MFRP: variants seen among roughly 807,000 people sequenced by gnomAD.
MFRP encodes the protein membrane frizzled-related protein.
MFRP carries 74 observed loss-of-function variants against 65.8 expected under a neutral mutation model. The observed-to-expected ratio is 1.12, with a 90% CI of 0.93 to 1.36. MFRP has a LOEUF of 1.36. Among genes scored for constraint, MFRP ranks in the 40% most tolerant of loss-of-function variants. MFRP has a pLI of 0.00. For synonymous variants in MFRP, 336 were observed against 288.3 expected (o/e 1.17, Z -1.68); for missense variants, 838 against 736.0 (o/e 1.14, Z -1.60).
rs1950509094 is a variant in MFRP at position 119,342,132 on chromosome 11, T to C, written c.1388-148A>G. On this transcript the variant is annotated intron_variant, in intron 11 of 14. Coordinates refer to ENST00000619721, the MANE Select transcript of MFRP (RefSeq NM_031433.4). The stretch of plus-strand genomic sequence containing the variant: ...AAGAGGATAACAAAGAGACAGGCTG[T>C]ACACACTCTGAGGATCCCTGCCATC... 19 of 960,932 alleles carry C rather than the reference T, an allele frequency of 2.0e-5. No individual in the cohort carries two copies. In the South Asian group the frequency reaches 2.5e-4, roughly 13 times the overall value. 59.5% of individuals were successfully genotyped at this position (960,932 alleles called of 1,614,324 possible).
In MFRP at chr11:119,341,865, C is replaced by G; in HGVS notation, c.1507G>C (p.Gly503Arg). 3 of 1,614,004 alleles carry G rather than the reference C, an allele frequency of 1.9e-6. No homozygotes were observed. Among genetic ancestry groups the G allele is most frequent in the Non-Finnish European group, 2.5e-6 (3 of 1,180,012 alleles). ...CCCTCCACCCAGAAGACCTTGTAACCGCTGAGGACCTCTACCACCTCCTCC... is the reference window on the plus strand; with the variant it reads ...CCCTCCACCCAGAAGACCTTGTAACGGCTGAGGACCTCTACCACCTCCTCC... ...TQEEVVEVLS[G>R]YKSLTSLPCY... The change falls in exon 12 of 15, where the codon GGT becomes CGT. Residue 503 changes from glycine to arginine, a missense_variant. By Grantham distance (125) the Gly-to-Arg change is moderately radical. Coordinates refer to ENST00000619721, the MANE Select transcript of MFRP (RefSeq NM_031433.4).
Position 119,342,895 on chromosome 11 carries a change from G to GT in MFRP, c.1232dup (p.Tyr411Ter). The change falls in exon 10 of 15, where the codon TAC becomes TAAC. Residue 411 changes from tyrosine to a stop codon, truncating the protein, a stop_gained and frameshift_variant. Transcript: ENST00000619721. LOFTEE classifies it high-confidence loss of function. ...GISSGGFSATYLAFNATENPC... is the reference protein window; with the variant it reads ...GISSGGFSAT Reference sequence around the variant, plus strand: ...TACTCTCCGTGGCATTGAAGGCCAGGTAGGTGGCTGAGAAGCCTCCACTGC... The same window carrying GT: ...TACTCTCCGTGGCATTGAAGGCCAGGTTAGGTGGCTGAGAAGCCTCCACTGC... 6.2e-7 allele frequency: 1 copy of GT among 1,613,050 alleles called. No individual in the cohort carries two copies.
In MFRP at chr11:119,343,969, G is replaced by T; in HGVS notation, c.976-5C>A. On this transcript the variant is annotated splice_polypyrimidine_tract_variant and splice_region_variant and intron_variant, in intron 8 of 14. Coordinates refer to ENST00000619721, the MANE Select transcript of MFRP (RefSeq NM_031433.4). The stretch of plus-strand genomic sequence containing the variant: ...CGAGATATGCCAGGTGCAGAGCTGG[G>T]GGAGGGCATAGGTGGAGCAATTCAT... The T allele has an allele frequency of 6.2e-7, 1 of 1,612,138 alleles. No homozygotes were observed. The highest frequency in any genetic ancestry group is 8.5e-7 in the Non-Finnish European group (1 of 1,179,942).
chr11:119,343,043 C>A (rs1181268691), intron 9 of MFRP, 40 bp from the exon 10 acceptor site: 1 of 1,567,364 alleles, frequency 6.4e-7, no homozygotes, highest in Non-Finnish European at 8.6e-7. Flanking sequence ...CCAGCCCTGG[C>A]TGACTGAGGG....
chr11:119,344,939 A>C lies in MFRP; in HGVS notation c.707T>G (p.Val236Gly). The change falls in exon 6 of 15, where the codon GTC (valine) becomes GGC (glycine). Residue 236 changes from valine (V) to glycine (G), a missense_variant. Physicochemically the swap from Val to Gly is moderately radical, Grantham distance 109. Coordinates refer to ENST00000619721, the MANE Select transcript of MFRP (RefSeq NM_031433.4). Reference protein sequence around the residue: ...TNASHLLVVFVSDSSVEGFGF... With the variant: ...TNASHLLVVFGSDSSVEGFGF... ...AAATCCTTCCACACTGCTGTCAGAGACGAAGACCACCAGGAGGTGGCTGGC... is the reference window on the plus strand; with the variant it reads ...AAATCCTTCCACACTGCTGTCAGAGCCGAAGACCACCAGGAGGTGGCTGGC... 1 of 1,610,958 alleles carries C rather than the reference A, an allele frequency of 6.2e-7. No individual in the cohort carries two copies. Among genetic ancestry groups the C allele is most frequent in the South Asian group, 1.1e-5 (1 of 90,514 alleles).
At position 119,340,055 on chromosome 11, in the gene MFRP, GC is replaced by G; in HGVS notation, c.*1110+128del. Reference sequence around the variant, plus strand: ...CTCCCGCCGCCTGGGCCCCTCCCCCGCTCAGGGCTGCAAAGCGCGGGGAGTG... The same window carrying G: ...CTCCCGCCGCCTGGGCCCCTCCCCCGTCAGGGCTGCAAAGCGCGGGGAGTG... On this transcript the variant is annotated intron_variant, in intron 14 of 14. Transcript: ENST00000619721. 3 of 1,294,806 alleles carry G rather than the reference GC, an allele frequency of 2.3e-6. No homozygotes were observed. The South Asian group carries it at 5.0e-5, about 21-fold the overall frequency. 80.2% of individuals were successfully genotyped at this position (1,294,806 alleles called of 1,614,324 possible). A position where few individuals can be genotyped will look rare whatever the true frequency, so the allele number is the denominator to read the frequency against.
At position 119,342,629 on chromosome 11, in the gene MFRP, C is replaced by T. The variant is rs1950514004; in HGVS notation, c.1354G>A (p.Asp452Asn). The T allele has an allele frequency of 6.2e-7, 1 of 1,613,608 alleles. No individual in the cohort carries two copies. ...MWRDCTDGSD[D>N]NCSGPLFPPP... ...GGGAACAAGGGGCCGCTGCAGTTGT[C>T]ATCGCTGCCATCGGTGCAGTCTCTC... Residue 452 changes from aspartate (D) to asparagine (N), a missense_variant, in exon 11 of 15, where the codon GAC becomes AAC. Transcript: ENST00000619721.
At chr11:119,344,049 C>T (rs1950531862) in intron 8 of MFRP, 85 bp from the exon 9 acceptor site, 1 of 1,555,608 alleles carries the variant, frequency 6.4e-7, no homozygotes, top group Non-Finnish European at 8.8e-7. Context: ...TCCCCCACTG[C>T]TGGCTGGGGG....
Position 119,346,656 on chromosome 11 carries a change from G to T in MFRP, c.-143C>A. 1 of 805,802 alleles carries T rather than the reference G, an allele frequency of 1.2e-6. No individual in the cohort carries two copies. The highest frequency in any genetic ancestry group is 2.1e-6 in the Non-Finnish European group (1 of 472,386). The allele number at this position is 805,802 out of a possible 1,614,324, so 49.9% of individuals were successfully genotyped here. ...GGCTGCCAGGCTAGACCAGTTCTTG[G>T]GCTGTCCTTGGTAGAGTGGTTTGGC... is the stretch of plus-strand genomic sequence containing the variant. On this transcript the variant is annotated 5_prime_UTR_variant, in exon 1 of 15. Transcript: ENST00000619721.
In MFRP at chr11:119,340,365, G is replaced by A; in HGVS notation, c.*929C>T. The A allele has an allele frequency of 6.5e-7, 1 of 1,544,748 alleles. No homozygotes were observed. Among genetic ancestry groups the A allele is most frequent in the Non-Finnish European group, 8.7e-7 (1 of 1,145,724 alleles). ...CCAGTGGGGGCGAGCCGGCCGCCAG[G>A]CCCAGGAGCAGCAGGACGAGGAGTG... On this transcript the variant is annotated 3_prime_UTR_variant, in exon 14 of 15. Transcript: ENST00000619721.
chr11:119,343,776 G>C (rs767902547), intron 9 of MFRP, 40 bp downstream of exon 9: 11 of 1,612,844 alleles, frequency 6.8e-6, no homozygotes, highest in Non-Finnish European at 9.3e-6. Flanking sequence ...GGCAGACAGT[G>C]AGGATGGAGT....
intron 9 of MFRP, 126 bp from the exon 10 acceptor site, chr11:119,343,129 G>T: frequency 1.6e-6 from 2 of 1,217,710 alleles, no homozygotes; most frequent in Non-Finnish European, 2.3e-6. Flanking sequence ...AAGACACAGG[G>T]TTAGGGTCTG....
At position 119,339,682 on chromosome 11, in the gene MFRP, G is replaced by A; in HGVS notation, c.*1277C>T. 6.2e-7 allele frequency: 1 copy of A among 1,610,214 alleles called. No individual in the cohort carries two copies. The highest frequency in any genetic ancestry group is 8.5e-7 in the Non-Finnish European group (1 of 1,179,886). On this transcript the variant is annotated 3_prime_UTR_variant, in exon 15 of 15. Coordinates refer to ENST00000619721, the MANE Select transcript of MFRP (RefSeq NM_031433.4). This position sits in a 1 kb window ranked among gnomAD's most constrained non-coding sequence, Gnocchi z 5.4. ...AATGTCCCTGCTCGTTCACCAGCAC[G>A]CGGTCGAAGGGCAAGGGTGCGTCAG...
In MFRP at chr11:119,339,602, G is replaced by T. The variant is rs1355218558; in HGVS notation, c.*1357C>A. 6.2e-7 allele frequency: 1 copy of T among 1,613,178 alleles called. No individual in the cohort carries two copies. Among genetic ancestry groups the T allele is most frequent in the East Asian group, 2.2e-5 (1 of 44,888 alleles). On this transcript the variant is annotated 3_prime_UTR_variant, in exon 15 of 15. Transcript: ENST00000619721. This position sits in a 1 kb window ranked among gnomAD's most constrained non-coding sequence, Gnocchi z 5.4. ...GGCCCGGTAGACGGTGGCATGGACG[G>T]CGAAGTAGTAGACCCCAGGCACCTG...
At position 119,342,672 on chromosome 11, in the gene MFRP, C is replaced by A. The variant is rs201420631; in HGVS notation, c.1311G>T (p.Gln437His). The A allele has an allele frequency of 6.2e-7, 1 of 1,613,772 alleles. No individual in the cohort carries two copies. The highest frequency in any genetic ancestry group is 1.7e-5 in the Admixed American group (1 of 60,006). ...AGTCTCTCCACATGTCACACATCCACTGCACACCCTTACACCCTCCTGCCT... is the reference window on the plus strand; with the variant it reads ...AGTCTCTCCACATGTCACACATCCAATGCACACCCTTACACCCTCCTGCCT... ...SCQAGGCKGV[Q>H]WMCDMWRDCT... is the part of the protein sequence containing the mutation. The change falls in exon 11 of 15, where the codon CAG (glutamine) becomes CAT (histidine). Residue 437 changes from glutamine (Q) to histidine (H), a missense_variant. Transcript: ENST00000619721.
At position 119,343,883 on chromosome 11, in the gene MFRP, C is replaced by A. The variant is rs563717527; in HGVS notation, c.1057G>T (p.Glu353Ter). The A allele has an allele frequency of 1.9e-6, 3 of 1,613,942 alleles. No individual in the cohort carries two copies. The highest frequency in any genetic ancestry group is 2.5e-6 in the Non-Finnish European group (3 of 1,180,020). ...FHNFSLEAQD[E>*]CKFDYVEVYE... ...ACCTCCACGTAGTCAAACTTGCACT[C>A]GTCCTGAGCCTCCAGGCTGAAGTTG... is the stretch of plus-strand genomic sequence containing the variant. The change falls in exon 9 of 15, where the codon GAG becomes TAG. Residue 353 changes from glutamate (E) to a stop codon, truncating the protein, a stop_gained. Coordinates refer to ENST00000619721, the MANE Select transcript of MFRP (RefSeq NM_031433.4). LOFTEE classifies it high-confidence loss of function.
In MFRP at chr11:119,345,488, T is replaced by C. The variant is rs1950553822; in HGVS notation, c.573A>G (p.Ile191Met). ...AIQLKIEALS[I>M]ESVASCLFDR... ...CAAAAAGGCAAGAGGCCACACTCTC[T>C]ATGCTGAGGGCTTCGATCTTGAGCT... Residue 191 changes from isoleucine (I) to methionine (M), a missense_variant, in exon 5 of 15, where the codon ATA (isoleucine) becomes ATG (methionine). Coordinates refer to ENST00000619721, the MANE Select transcript of MFRP (RefSeq NM_031433.4). The C allele has an allele frequency of 6.2e-7, 1 of 1,613,982 alleles. No homozygotes were observed. Among genetic ancestry groups the C allele is most frequent in the African/African-American group, 1.3e-5 (1 of 74,936 alleles).
chr11:119,346,688 G>A lies in MFRP; in HGVS notation c.-175C>T. 1 of 685,112 alleles carries A rather than the reference G, an allele frequency of 1.5e-6. No individual in the cohort carries two copies. Among genetic ancestry groups the A allele is most frequent in the Non-Finnish European group, 2.6e-6 (1 of 379,400 alleles). 42.4% of individuals were successfully genotyped at this position (685,112 alleles called of 1,614,324 possible). A position where few individuals can be genotyped will look rare whatever the true frequency, so the allele number is the denominator to read the frequency against. On this transcript the variant is annotated 5_prime_UTR_variant, in exon 1 of 15. Transcript: ENST00000619721. Reference sequence around the variant, plus strand: ...CTTGGTAGAGTGGTTTGGCCTATGGGCTACTCTGTCTCTGTGTGGGGGAAG... The same window carrying A: ...CTTGGTAGAGTGGTTTGGCCTATGGACTACTCTGTCTCTGTGTGGGGGAAG...
chr11:119,339,432 C>T lies in MFRP; in HGVS notation c.*1527G>A. Reference sequence around the variant, plus strand: ...GCATAGATGCCAATGTAGTCACCCACACCCACCTGCACCCACACTTGGTCC... The same window carrying T: ...GCATAGATGCCAATGTAGTCACCCATACCCACCTGCACCCACACTTGGTCC... On this transcript the variant is annotated 3_prime_UTR_variant, in exon 15 of 15. Coordinates refer to ENST00000619721, the MANE Select transcript of MFRP (RefSeq NM_031433.4). The surrounding 1 kb of genome is among the most constrained non-coding windows in gnomAD (Gnocchi z 5.4). 1 of 1,613,956 alleles carries T rather than the reference C, an allele frequency of 6.2e-7. No individual in the cohort carries two copies. The highest frequency in any genetic ancestry group is 8.5e-7 in the Non-Finnish European group (1 of 1,179,886).
Sources: allele counts gnomAD v4.1 joint callset, GRCh38; gene constraint gnomAD v4.1.1; non-coding constraint Gnocchi (gnomAD v3.1); transcripts MANE v1.5; gene names NCBI Gene and HGNC (gene_info 2026-07-23, HGNC 2026-07-21).